CAPRIN1: variants seen among roughly 807,000 people sequenced by gnomAD.
CAPRIN1 encodes caprin-1.
Under a neutral mutation model 100.9 loss-of-function variants are expected in CAPRIN1, and 29 were observed. The observed-to-expected ratio is 0.29, with a 90% CI of 0.21 to 0.39. The LOEUF is 0.39. Ranked by LOEUF, CAPRIN1 falls within the 10% of genes least tolerant of loss-of-function variation. CAPRIN1 has a pLI of 1.00. For synonymous variants in CAPRIN1, 338 were observed against 307.5 expected (o/e 1.10, Z -1.04); for missense variants, 795 against 876.7 (o/e 0.91, Z 1.18).
rs1851258246 is a variant in CAPRIN1, at chr11:34,091,252, A to G, written c.1554+574A>G. On this transcript the variant is annotated intron_variant, in intron 14 of 18. Transcript: ENST00000341394. Reference sequence around the variant, plus strand: ...CAACCCTGTTAAAGTTCATAGAACAAACTTCTGTAAGTGGTACTGCATCCA... The same window carrying G: ...CAACCCTGTTAAAGTTCATAGAACAGACTTCTGTAAGTGGTACTGCATCCA... Among the ~76,000 whole-genome samples, 5 of 152,378 alleles carry G rather than the reference A, an allele frequency of 3.3e-5. No homozygotes were observed. In the South Asian group the frequency reaches 8.3e-4, roughly 25 times the overall value.
Position 34,102,085 on chromosome 11 carries a change from T to G in CAPRIN1, c.*2718T>G, listed in dbSNP as rs1851462627. Among the ~76,000 whole-genome samples, 1 of 152,196 alleles carries G rather than the reference T, an allele frequency of 6.6e-6. No individual in the cohort carries two copies. On this transcript the variant is annotated 3_prime_UTR_variant, in exon 19 of 19. Transcript: ENST00000341394. ...ACCTTGATATTAAAACAAATATCCT[T>G]TAAGTATTTCTAATCAGTTAGCTTC...
chr11:34,073,011 A>G (rs962300903), intron 4 of CAPRIN1, among the ~76,000 whole-genome samples: 15 of 152,192 alleles, frequency 9.9e-5, no homozygotes, highest in African/African-American at 3.1e-4. Context: ...AGATTGTACT[A>G]TCTAGGCCGT....
chr11:34,089,547 A>T (rs902959107), intron 12 of CAPRIN1, 91 bp downstream of exon 12: 1 of 704,028 alleles, frequency 1.4e-6, no homozygotes, highest in Non-Finnish European at 2.5e-6. Context: ...TGGGAGGATC[A>T]CTTGAGGTCA....
intron 2 of CAPRIN1, among the ~76,000 whole-genome samples, chr11:34,059,127 G>A (rs985686162): frequency 4.6e-5 from 7 of 152,204 alleles, no homozygotes; most frequent in African/African-American, 1.2e-4. Flanking sequence ...AAAAACGTGG[G>A]TGAAAGATAA....
intron 2 of CAPRIN1, among the ~76,000 whole-genome samples, chr11:34,063,571 C>G (rs530588111): frequency 6.6e-6 from 1 of 152,192 alleles, no homozygotes; most frequent in African/African-American, 2.4e-5. Context: ...CCACATGACT[C>G]TGACATCTAC....
At position 34,098,526 on chromosome 11, in the gene CAPRIN1, A is replaced by G. The variant is rs186747705; in HGVS notation, c.2065+765A>G. On this transcript the variant is annotated intron_variant, in intron 18 of 18. Coordinates refer to ENST00000341394, the MANE Select transcript of CAPRIN1 (RefSeq NM_005898.5). ...GTTAAACATCAAACAGGTTTCCTCT[A>G]TTGGCCATAACATGTATAAAATGTG... 1.8e-3 allele frequency: 1,735 copies of G among 985,402 alleles called. 3 individuals carry two copies. Among genetic ancestry groups the G allele is most frequent in the Non-Finnish European group, 2.0e-3 (1,673 of 829,876 alleles). 61.0% of individuals were successfully genotyped at this position (985,402 alleles called of 1,614,324 possible).
At chr11:34,087,091 A>G (rs1252992083) in intron 11 of CAPRIN1, among the ~76,000 whole-genome samples, 3 of 152,184 alleles carry the variant, frequency 2.0e-5, no homozygotes, top group Admixed American at 1.3e-4. Flanking sequence ...GGTGCCTTCC[A>G]TTGGGTTAAG....
chr11:34,091,036 G>A (rs1386113036), intron 14 of CAPRIN1, among the ~76,000 whole-genome samples: 2 of 152,028 alleles, frequency 1.3e-5, no homozygotes, highest in African/African-American at 4.8e-5. Context: ...TTATTTTACT[G>A]AAGTATTTTG....
chr11:34,070,862 C>A (rs1283624674), intron 2 of CAPRIN1, among the ~76,000 whole-genome samples: 1 of 151,706 alleles, frequency 6.6e-6, no homozygotes, highest in Non-Finnish European at 1.5e-5. Context: ...ACCACCATGC[C>A]CAGCTGATTT....
rs145353660 is a variant in CAPRIN1, at chr11:34,074,031, T to G, written c.366+2044T>G. Among the ~76,000 whole-genome samples, 666 of 152,288 alleles carry G rather than the reference T, an allele frequency of 4.4e-3. 5 individuals carry two copies. Among genetic ancestry groups the G allele is most frequent in the African/African-American group, 0.015 (622 of 41,570 alleles). ...CCTGCAAGCTCTTTTTATAGTAGTA[T>G]TAATTCATTCTAAATAGCTCCCAAA... On this transcript the variant is annotated intron_variant, in intron 4 of 18. Coordinates refer to ENST00000341394, the MANE Select transcript of CAPRIN1 (RefSeq NM_005898.5).
chr11:34,070,399 T>C (rs1850784999), intron 2 of CAPRIN1, among the ~76,000 whole-genome samples: 2 of 152,198 alleles, frequency 1.3e-5, no homozygotes, highest in South Asian at 4.1e-4. Flanking sequence ...AAATACTTTT[T>C]TTCCCCTTGG....
At chr11:34,054,224 C>T (rs1850400060) in intron 2 of CAPRIN1, among the ~76,000 whole-genome samples, 1 of 140,238 alleles carries the variant, frequency 7.1e-6, no homozygotes, top group African/African-American at 2.4e-5. Context: ...CTTGGGATTT[C>T]TTTTTTTTCC....
At chr11:34,086,495 T>G in intron 11 of CAPRIN1, 82 bp downstream of exon 11, 1 of 805,166 alleles carries the variant, frequency 1.2e-6, no homozygotes, top group Non-Finnish European at 2.0e-6. Flanking sequence ...AAAATAAATT[T>G]TGTTTATTTT....
chr11:34,071,341 A>T (rs919618439), intron 2 of CAPRIN1, among the ~76,000 whole-genome samples: 1 of 152,154 alleles, frequency 6.6e-6, no homozygotes, highest in Non-Finnish European at 1.5e-5. Context: ...AGGCAGGTGG[A>T]TCACCTGAGG....
intron 4 of CAPRIN1, among the ~76,000 whole-genome samples, chr11:34,073,991 G>GA (rs1323684388): frequency 6.6e-6 from 1 of 152,150 alleles, no homozygotes. Context: ...AAGGGCAAGA[G>GA]AGAGTGATCA....
intron 15 of CAPRIN1, among the ~76,000 whole-genome samples, chr11:34,092,815 G>T (rs1590746514): frequency 6.6e-6 from 1 of 152,204 alleles, no homozygotes; most frequent in East Asian, 1.9e-4. Flanking sequence ...TCATAATTTG[G>T]CTAGTTACCA....
In CAPRIN1 at chr11:34,071,737, T is replaced by C. The variant is rs930449987; in HGVS notation, c.228T>C (p.Asp76=). 2 of 1,610,006 alleles carry C rather than the reference T, an allele frequency of 1.2e-6. No individual in the cohort carries two copies. Among genetic ancestry groups the C allele is most frequent in the African/African-American group, 2.7e-5 (2 of 74,870 alleles). ...RNLEKKKGKL[D]DYQERMNKGE... is the part of the protein sequence containing the mutation. ...TTCTTTTAACATAGGGTAAGCTTGA[T>C]GATTACCAGGAACGAATGAACAAAG... Residue 76 remains aspartate (D), a synonymous_variant, in exon 3 of 19, where the codon GAT becomes GAC. Coordinates refer to ENST00000341394, the MANE Select transcript of CAPRIN1 (RefSeq NM_005898.5).
At chr11:34,059,988 G>C (rs1850541312) in intron 2 of CAPRIN1, among the ~76,000 whole-genome samples, 1 of 149,884 alleles carries the variant, frequency 6.7e-6, no homozygotes, top group African/African-American at 2.5e-5. Context: ...CTGAGGTCAG[G>C]AGTTCGAGAC....
At chr11:34,087,891 C>T (rs372448228) in intron 11 of CAPRIN1, among the ~76,000 whole-genome samples, 1 of 152,054 alleles carries the variant, frequency 6.6e-6, no homozygotes, top group Non-Finnish European at 1.5e-5. Context: ...CAAAGATCGT[C>T]GTTTTGATTA....
Sources: allele counts gnomAD v4.1 joint callset (sites outside exome capture counted in the v4.1 genomes callset), GRCh38; gene constraint gnomAD v4.1.1; transcripts MANE v1.5; gene names NCBI Gene and HGNC (gene_info 2026-07-23, HGNC 2026-07-21).